ROBO2: variants seen among roughly 807,000 people sequenced by gnomAD.
ROBO2 encodes roundabout homolog 2.
In ROBO2, 53 loss-of-function variants were observed where a neutral mutation model predicts 160.8. That is an observed-to-expected ratio of 0.33 (90% CI 0.26 to 0.41). The LOEUF (loss-of-function observed/expected upper bound fraction) is 0.41. Ranked by LOEUF, ROBO2 falls within the 10% of genes least tolerant of loss-of-function variation. The pLI is 1.00. For missense variants in ROBO2, 1,577 were observed against 1,722.4 expected (o/e 0.92, Z 1.49); for synonymous variants, 664 against 611.7 (o/e 1.09, Z -1.26).
Position 77,238,004 on chromosome 3 carries a change from T to G in ROBO2, c.388+139664T>G, listed in dbSNP as rs1304747848. On this transcript the variant is annotated intron_variant, in intron 2 of 25. Coordinates refer to ENST00000461745, the Ensembl canonical transcript of ROBO2. ...TGACGACATATGATATGGAGCATCTTTTCATATGCTTATTTGCCATGTACA... is the reference window on the plus strand; with the variant it reads ...TGACGACATATGATATGGAGCATCTGTTCATATGCTTATTTGCCATGTACA... Among the ~76,000 whole-genome samples, 5 of 152,354 alleles carry G rather than the reference T, an allele frequency of 3.3e-5. No individual in the cohort carries two copies. In the East Asian group the frequency reaches 5.8e-4, roughly 18 times the overall value.
At chr3:77,419,145 T>C (rs1481598427) in intron 2 of ROBO2, among the ~76,000 whole-genome samples, 1 of 152,086 alleles carries the variant, frequency 6.6e-6, no homozygotes, top group Non-Finnish European at 1.5e-5. Context: ...ACAGATTCTA[T>C]AAAGGCCCAA....
At chr3:76,122,196 A>G (rs1237034129) in intron 2 of ROBO2, among the ~76,000 whole-genome samples, 1 of 151,936 alleles carries the variant, frequency 6.6e-6, no homozygotes, top group Non-Finnish European at 1.5e-5. Flanking sequence ...TGTGGAAAGA[A>G]AAAATTTAGA....
intron 2 of ROBO2, among the ~76,000 whole-genome samples, chr3:77,318,711 A>C (rs2153429317): frequency 6.6e-6 from 1 of 152,324 alleles, no homozygotes; most frequent in South Asian, 2.1e-4. Context: ...AAATTAGATA[A>C]TACATGTAAA....
At chr3:77,617,529 T>G in exon 22 of ROBO2, 1 of 1,614,192 alleles carries the variant, frequency 6.2e-7, no homozygotes, top group Non-Finnish European at 8.5e-7. Context: ...CAGTGATAGC[T>G]GGTGCCCACC....
At chr3:77,477,970 G>C (rs1486808208) in intron 3 of ROBO2, among the ~76,000 whole-genome samples, 1 of 151,532 alleles carries the variant, frequency 6.6e-6, no homozygotes, top group Non-Finnish European at 1.5e-5. Flanking sequence ...GGGACTACAG[G>C]TGTGCGCCAC....
At chr3:76,040,720 G>T (rs1314664249) in intron 2 of ROBO2, among the ~76,000 whole-genome samples, 1 of 152,058 alleles carries the variant, frequency 6.6e-6, no homozygotes, top group East Asian at 1.9e-4. Context: ...GGGCATGGGG[G>T]CTCATGCCTG....
At chr3:76,613,233 G>C (rs1439671863) in intron 2 of ROBO2, among the ~76,000 whole-genome samples, 1 of 151,804 alleles carries the variant, frequency 6.6e-6, no homozygotes, top group Non-Finnish European at 1.5e-5. Context: ...TTTCTCTGTT[G>C]GTATGTTTTA....
chr3:77,055,117 C>G (rs1002444957), intron 1 of ROBO2, among the ~76,000 whole-genome samples: 1 of 151,822 alleles, frequency 6.6e-6, no homozygotes, highest in Admixed American at 6.6e-5. Context: ...TTGGAACTCA[C>G]CCTTCTGTGA....
At chr3:76,505,379 A>T (rs1446219392) in intron 2 of ROBO2, among the ~76,000 whole-genome samples, 1 of 152,106 alleles carries the variant, frequency 6.6e-6, no homozygotes, top group Non-Finnish European at 1.5e-5. Flanking sequence ...TAAAAAAAAA[A>T]AAATGCTATT....
At chr3:77,015,864 G>A (rs1035698513) in intron 2 of ROBO2, among the ~76,000 whole-genome samples, 1 of 152,108 alleles carries the variant, frequency 6.6e-6, no homozygotes, top group African/African-American at 2.4e-5. Context: ...GTCTACATTA[G>A]CACAGCATAT....
chr3:76,233,170 G>A (rs148832747), intron 2 of ROBO2, among the ~76,000 whole-genome samples: 219 of 151,688 alleles, frequency 1.4e-3, no homozygotes, highest in Non-Finnish European at 2.4e-3. Flanking sequence ...TTCAGGTAAA[G>A]TCTCACTCTT....
At chr3:76,732,065 A>C (rs1478741378) in intron 2 of ROBO2, among the ~76,000 whole-genome samples, 1 of 152,218 alleles carries the variant, frequency 6.6e-6, no homozygotes, top group Non-Finnish European at 1.5e-5. Flanking sequence ...TTTAAATACC[A>C]TAATGAAATT....
At chr3:76,507,920 A>G (rs186251149) in intron 2 of ROBO2, among the ~76,000 whole-genome samples, 5 of 152,276 alleles carry the variant, frequency 3.3e-5, no homozygotes, top group East Asian at 1.9e-4. Flanking sequence ...CAAACATTCA[A>G]TAGCACACAG....
intron 2 of ROBO2, among the ~76,000 whole-genome samples, chr3:76,612,967 TC>T (rs1229058994): frequency 6.6e-6 from 1 of 152,160 alleles, no homozygotes. Flanking sequence ...TCTATATGTG[TC>T]TTTATAGGTG....
rs1257731154 is a variant in ROBO2, at chr3:76,263,396, A to T, written c.109+325794A>T. 3.9e-5 allele frequency among the ~76,000 whole-genome samples: 6 copies of T among 151,954 alleles called. No homozygotes were observed. The East Asian group carries it at 7.7e-4, about 20-fold the overall frequency. ...CATGCACTACCATACCTAGCTAATTAAAAAAATGTAGGTACAGAGTCTTGC... is the reference window on the plus strand; with the variant it reads ...CATGCACTACCATACCTAGCTAATTTAAAAAATGTAGGTACAGAGTCTTGC... On this transcript the variant is annotated intron_variant, in intron 2 of 26. Coordinates refer to the ROBO2 transcript ENST00000487694.
At chr3:76,179,393 T>A (rs940786711) in intron 2 of ROBO2, among the ~76,000 whole-genome samples, 1 of 152,194 alleles carries the variant, frequency 6.6e-6, no homozygotes, top group Non-Finnish European at 1.5e-5. Flanking sequence ...GTGTTCCAGA[T>A]GGTTCTATAG....
At chr3:76,602,206 T>C (rs901638796) in intron 2 of ROBO2, among the ~76,000 whole-genome samples, 9 of 152,162 alleles carry the variant, frequency 5.9e-5, no homozygotes, top group African/African-American at 2.2e-4. Context: ...TCCCACATTT[T>C]TCTGTCTTCT....
chr3:77,350,457 G>A (rs1260966521), intron 2 of ROBO2, among the ~76,000 whole-genome samples: 1 of 152,118 alleles, frequency 6.6e-6, no homozygotes, highest in Non-Finnish European at 1.5e-5. Flanking sequence ...CACTGAATAT[G>A]GAGATGCTCT....
At chr3:76,436,180 A>ACACACACACACACACACACC (rs1156673465) in intron 2 of ROBO2, among the ~76,000 whole-genome samples, 7 of 150,790 alleles carry the variant, frequency 4.6e-5, no homozygotes, top group South Asian at 4.2e-4. Flanking sequence ...ACACACACAC[A>ACACACACACACACACACACC]CCATTTCTTT....
Sources: gnomAD v4.1 joint callset for allele counts (sites outside exome capture counted in the v4.1 genomes callset) on GRCh38, gnomAD v4.1.1 for gene constraint, MANE v1.5 for transcripts, NCBI Gene and HGNC (gene_info 2026-07-23, HGNC 2026-07-21) for gene names.